The following RAF1 variants were observed in gnomAD, a reference collection of about 807,000 sequenced individuals.
RAF1 encodes the protein RAF proto-oncogene serine/threonine-protein kinase.
Under a neutral mutation model 81.1 loss-of-function variants are expected in RAF1, and 27 were observed. That is an observed-to-expected ratio of 0.33 (90% CI 0.25 to 0.46). The LOEUF (loss-of-function observed/expected upper bound fraction) is 0.46. RAF1 is among the 20% of genes least tolerant of loss of function. The pLI is 1.00. For synonymous variants in RAF1, 298 were observed against 294.0 expected (o/e 1.01, Z -0.14); for missense variants, 598 against 826.0 (o/e 0.72, Z 3.38).
rs760958166 is a variant in RAF1 at position 12,584,664 on chromosome 3, CAA to C, written c.1864-9_1864-8del. Reference sequence around the variant, plus strand: ...GCTCAATGGAAGACAGGATCTGAAACAAAGCCCAAGAATGCTCTCATTAGCTG... The same window carrying C: ...GCTCAATGGAAGACAGGATCTGAAACAGCCCAAGAATGCTCTCATTAGCTG... On this transcript the variant is annotated splice_region_variant and splice_polypyrimidine_tract_variant and intron_variant, in intron 17 of 17. Transcript: ENST00000442415. 9.3e-6 allele frequency: 15 copies of C among 1,614,130 alleles called. No homozygotes were observed. The East Asian group carries it at 2.7e-4, about 29-fold the overall frequency.
At chr3:12,637,153 T>C (rs2060055913) in intron 1 of RAF1, among the ~76,000 whole-genome samples, 1 of 152,154 alleles carries the variant, frequency 6.6e-6, no homozygotes, top group Non-Finnish European at 1.5e-5. Context: ...AAAGCTGAAC[T>C]CGCTCAATTT....
intron 11 of RAF1, among the ~76,000 whole-genome samples, chr3:12,597,555 G>A (rs1323034857): frequency 6.6e-6 from 1 of 152,174 alleles, no homozygotes; most frequent in Non-Finnish European, 1.5e-5. Context: ...AGACACAAGT[G>A]CTCTATCCCA....
intron 16 of RAF1, 53 bp from the exon 16 acceptor site, chr3:12,585,034 TAAC>T (rs2058284016): frequency 4.3e-6 from 7 of 1,613,300 alleles, no homozygotes; most frequent in Admixed American, 3.3e-5. Context: ...CAACAGATAA[TAAC>T]AAGTCCTAAC....
chr3:12,629,913 G>A (rs2059813689), intron 1 of RAF1, among the ~76,000 whole-genome samples: 1 of 152,176 alleles, frequency 6.6e-6, no homozygotes, highest in Non-Finnish European at 1.5e-5. Context: ...TTCCTGATTA[G>A]CTGGGACTAC....
At chr3:12,652,031 T>TAAAC (rs1426369135) in intron 1 of RAF1, among the ~76,000 whole-genome samples, 6 of 145,388 alleles carry the variant, frequency 4.1e-5, no homozygotes, top group African/African-American at 1.5e-4. Flanking sequence ...AATAAATAAA[T>TAAAC]AAATAAATAA....
intron 1 of RAF1, among the ~76,000 whole-genome samples, chr3:12,650,468 A>G (rs1268360903): frequency 1.3e-5 from 2 of 152,242 alleles, no homozygotes; most frequent in African/African-American, 4.8e-5. Flanking sequence ...ATCAATGGAG[A>G]AAAGTTAACA....
chr3:12,611,496 T>C (rs1477055216), intron 3 of RAF1, among the ~76,000 whole-genome samples: 2 of 152,190 alleles, frequency 1.3e-5, no homozygotes, highest in East Asian at 3.9e-4. Context: ...AAATTACGGG[T>C]ATTACCATCC....
intron 4 of RAF1, 138 bp downstream of exon 4, chr3:12,609,095 C>T (rs2125418385): frequency 9.8e-7 from 1 of 1,025,252 alleles, no homozygotes; most frequent in Non-Finnish European, 1.5e-6. Context: ...TCTAAATTGC[C>T]TTACTGTAAA....
chr3:12,614,375 AG>A (rs1412652977), intron 2 of RAF1, among the ~76,000 whole-genome samples: 1 of 151,996 alleles, frequency 6.6e-6, no homozygotes, highest in African/African-American at 2.4e-5. Context: ...AAAGTGGGTA[AG>A]GGGTACATCA....
intron 8 of RAF1, among the ~76,000 whole-genome samples, chr3:12,602,881 T>C (rs1164500866): frequency 1.3e-5 from 2 of 152,164 alleles, no homozygotes; most frequent in Non-Finnish European, 2.9e-5. Context: ...TTGTCTCTGA[T>C]AAGCTTTCAA....
intron 1 of RAF1, among the ~76,000 whole-genome samples, chr3:12,638,951 C>T (rs1014600812): frequency 2.0e-5 from 3 of 151,980 alleles, no homozygotes; most frequent in Admixed American, 2.0e-4. Flanking sequence ...TGATGGATTA[C>T]GTTTATTGAT....
chr3:12,587,902 G>A (rs1483180041), intron 13 of RAF1: 3 of 298,670 alleles, frequency 1.0e-5, no homozygotes, highest in Non-Finnish European at 1.8e-5. Context: ...AACCTCCTGG[G>A]CTCAAGTGAT....
chr3:12,656,418 G>T (rs1038869948), intron 1 of RAF1, among the ~76,000 whole-genome samples: 1 of 152,080 alleles, frequency 6.6e-6, no homozygotes, highest in Non-Finnish European at 1.5e-5. Context: ...CCAATAGAGG[G>T]AGAAGCTTAA....
chr3:12,590,653 T>C (rs890675529), intron 13 of RAF1, 145 bp downstream of exon 12: 20 of 919,894 alleles, frequency 2.2e-5, no homozygotes, highest in African/African-American at 1.6e-4. Flanking sequence ...TTCCTGATAA[T>C]TGGCCCCTCC....
chr3:12,626,200 C>T (rs1257322985), intron 1 of RAF1, among the ~76,000 whole-genome samples: 8 of 147,814 alleles, frequency 5.4e-5, no homozygotes, highest in South Asian at 2.1e-4. Context: ...GCCAAGATAG[C>T]GCCATTGCAC....
rs1021814465 is a variant in RAF1, at chr3:12,587,649, A to G, written c.1431-12T>C. 1.9e-6 allele frequency: 3 copies of G among 1,601,576 alleles called. No individual in the cohort carries two copies. ...TTGCATGCAAATAGCTGTGAAGGGA[A>G]AAGAAATTATTAAAAATAAGTTTGA... On this transcript the variant is annotated splice_polypyrimidine_tract_variant and intron_variant, in intron 13 of 17. Coordinates refer to ENST00000442415, the MANE Select transcript of RAF1 (RefSeq NM_001354689.3).
Position 12,658,607 on chromosome 3 carries a change from A to C in RAF1, c.-27+5206T>G, listed in dbSNP as rs142577795. Among the ~76,000 whole-genome samples the C allele has an allele frequency of 4.5e-3, 685 of 152,328 alleles. 5 individuals carry two copies. Among genetic ancestry groups the C allele is most frequent in the African/African-American group, 0.015 (643 of 41,578 alleles). On this transcript the variant is annotated intron_variant, in intron 1 of 17. Coordinates refer to ENST00000442415, the MANE Select transcript of RAF1 (RefSeq NM_001354689.3). ...ACAAGAACGAAACTCCGTCTCAAAA[A>C]AAACAAAAAAAGAAACAAACAAAAT...
chr3:12,657,803 T>G (rs2060744591), intron 1 of RAF1, among the ~76,000 whole-genome samples: 1 of 151,794 alleles, frequency 6.6e-6, no homozygotes, highest in East Asian at 1.9e-4. Context: ...ATGGCTTTTA[T>G]TATATTCACA....
chr3:12,628,096 A>G (rs1269723772), intron 1 of RAF1, among the ~76,000 whole-genome samples: 2 of 152,262 alleles, frequency 1.3e-5, no homozygotes, highest in Non-Finnish European at 2.9e-5. Context: ...CTGGGCAACA[A>G]GAGTGAAACT....
Sources: allele counts gnomAD v4.1 joint callset (sites outside exome capture counted in the v4.1 genomes callset), GRCh38; gene constraint gnomAD v4.1.1; transcripts MANE v1.5; gene names NCBI Gene and HGNC (gene_info 2026-07-23, HGNC 2026-07-21).